DST: variants seen among roughly 807,000 people sequenced by gnomAD.
DST encodes dystonin.
A neutral mutation model predicts 875.2 loss-of-function variants in DST; 253 were observed. The observed-to-expected ratio is 0.29, with a 90% CI of 0.26 to 0.32. The LOEUF is 0.32. Among genes scored for constraint, DST ranks in the 10% least tolerant of loss-of-function variants. The pLI is 1.00. For missense variants in DST, 8,287 were observed against 9,111.6 expected, an observed-to-expected ratio of 0.91 and a Z score of 3.68; for synonymous variants, 3,124 against 3,197.1, an observed-to-expected ratio of 0.98 and a Z score of 0.77.
Position 56,948,640 on chromosome 6 carries a change from G to A in DST, c.216+5145C>T, listed in dbSNP as rs376793422. Among the ~76,000 whole-genome samples, 4 of 152,302 alleles carry A rather than the reference G, an allele frequency of 2.6e-5. No homozygotes were observed. The East Asian group carries it at 5.8e-4, about 22-fold the overall frequency. The stretch of plus-strand genomic sequence containing the variant: ...ATGAAAAGCAAAACCACACAGAAGA[G>A]GGGACTACTGTACTTACCATACAAC... On this transcript the variant is annotated intron_variant, in intron 2 of 103. Transcript: ENST00000680361.
At chr6:56,772,085 C>T (rs1231600619) in intron 4 of DST, among the ~76,000 whole-genome samples, 1 of 152,090 alleles carries the variant, frequency 6.6e-6, no homozygotes, top group African/African-American at 2.4e-5. Context: ...CATGTGGGGT[C>T]CAGGTTATTT....
intron 36 of DST, among the ~76,000 whole-genome samples, chr6:56,623,973 C>T (rs1166163725): frequency 6.6e-6 from 1 of 150,944 alleles, no homozygotes; most frequent in African/African-American, 2.4e-5. Context: ...ATGCCATGTG[C>T]TATATCTTTT....
At position 56,572,181 on chromosome 6, in the gene DST, G is replaced by A; in HGVS notation, c.13640C>T (p.Pro4547Leu). The change falls in exon 53 of 104, where the codon CCA becomes CTA. Residue 4547 changes from proline to leucine, a missense_variant. Physicochemically the swap from Pro to Leu is moderately conservative, Grantham distance 98. Around this residue, in one of 10 missense-constraint regions of DST, gnomAD observed 1,513 missense variants for 1,677.8 expected, o/e 0.90. Transcript: ENST00000680361. ...LLKEISSHGL[P>L]SDKALVLEKT... ...TTCAAGGACCAAAGCCTTATCACTT[G>A]GTAAGCCATGGCTGGATATCTCCTT... The A allele has an allele frequency of 3.2e-6, 5 of 1,557,492 alleles. No individual in the cohort carries two copies. In the South Asian group the frequency reaches 6.2e-5, roughly 19 times the overall value.
chr6:56,829,387 G>A (rs1267957783), intron 4 of DST, among the ~76,000 whole-genome samples: 1 of 152,148 alleles, frequency 6.6e-6, no homozygotes, highest in African/African-American at 2.4e-5. Flanking sequence ...ACTTGGCAAT[G>A]TTACAGATAA....
At chr6:56,547,027 T>C (rs1010259556) in intron 61 of DST, among the ~76,000 whole-genome samples, 4 of 152,082 alleles carry the variant, frequency 2.6e-5, no homozygotes, top group Non-Finnish European at 5.9e-5. Flanking sequence ...AATTCCTCAA[T>C]CTCAAATGAA....
Position 56,917,096 on chromosome 6 carries a change from C to G in DST, c.217-16475G>C, listed in dbSNP as rs755185084. Reference sequence around the variant, plus strand: ...AGCAATAGCCCACTGAGGATACACACAGCAGAAAGGACTGACCACTCCTGC... The same window carrying G: ...AGCAATAGCCCACTGAGGATACACAGAGCAGAAAGGACTGACCACTCCTGC... On this transcript the variant is annotated intron_variant, in intron 2 of 103. Transcript: ENST00000680361. Among the ~76,000 whole-genome samples the G allele has an allele frequency of 2.0e-5, 3 of 150,774 alleles. No individual in the cohort carries two copies. The East Asian group carries it at 5.9e-4, about 30-fold the overall frequency.
chr6:56,829,933 G>A (rs2099785092), intron 4 of DST, among the ~76,000 whole-genome samples: 2 of 152,140 alleles, frequency 1.3e-5, no homozygotes, highest in Non-Finnish European at 2.9e-5. Flanking sequence ...GGTCTCCTCA[G>A]TACTAGTAGT....
At chr6:56,510,107 T>G (rs1462749038) in intron 73 of DST, among the ~76,000 whole-genome samples, 1 of 152,184 alleles carries the variant, frequency 6.6e-6, no homozygotes, top group African/African-American at 2.4e-5. Context: ...CTTAGTTTCT[T>G]ATGAATATTT....
At chr6:56,650,194 G>A (rs948667272) in intron 12 of DST, among the ~76,000 whole-genome samples, 3 of 152,002 alleles carry the variant, frequency 2.0e-5, no homozygotes, top group Admixed American at 1.3e-4. Context: ...TCAAAGTAAT[G>A]TAGGGGAAAA....
intron 30 of DST, among the ~76,000 whole-genome samples, 191 bp from the exon 31 acceptor site, chr6:56,630,574 C>T (rs2098770015): frequency 1.3e-5 from 2 of 152,140 alleles, no homozygotes; most frequent in African/African-American, 4.8e-5. Context: ...CCATCCCCTG[C>T]CCCACAAGTG....
At chr6:56,844,871 CA>C (rs11389743) in intron 4 of DST, among the ~76,000 whole-genome samples, 108 of 123,150 alleles carry the variant, frequency 8.8e-4, no homozygotes, top group East Asian at 3.4e-3. Flanking sequence ...GACTCCGTCT[CA>C]AAAAAAAAAA....
chr6:56,731,966 T>C (rs1016402196), intron 5 of DST, among the ~76,000 whole-genome samples: 3 of 152,240 alleles, frequency 2.0e-5, no homozygotes, highest in Non-Finnish European at 2.9e-5. Flanking sequence ...ACAAATGATG[T>C]CACAAATCAA....
At chr6:56,764,022 G>C (rs1400891671) in intron 4 of DST, among the ~76,000 whole-genome samples, 1 of 151,102 alleles carries the variant, frequency 6.6e-6, no homozygotes, top group African/African-American at 2.4e-5. Flanking sequence ...ATAGTATTAA[G>C]TCTGCAGTCA....
intron 102 of DST, chr6:56,461,929 T>C (rs2094350382): frequency 1.3e-5 from 2 of 152,242 alleles, no homozygotes; most frequent in African/African-American, 4.8e-5. Context: ...GAATGGGTTG[T>C]TTTTGTTCCA....
chr6:56,547,541 T>G (rs573363591), intron 61 of DST, among the ~76,000 whole-genome samples: 2 of 152,222 alleles, frequency 1.3e-5, no homozygotes, highest in African/African-American at 4.8e-5. Flanking sequence ...CAAAAACCTC[T>G]TCTGCAACAG....
intron 3 of DST, among the ~76,000 whole-genome samples, chr6:56,870,031 C>A (rs1243041379): frequency 6.6e-6 from 1 of 151,862 alleles, no homozygotes; most frequent in Non-Finnish European, 1.5e-5. Flanking sequence ...AACAGAATAT[C>A]CACTCTAGAG....
intron 34 of DST, 86 bp downstream of exon 34, chr6:56,627,118 G>A: frequency 3.0e-6 from 3 of 1,006,568 alleles, no homozygotes; most frequent in Non-Finnish European, 4.7e-6. Context: ...TAAACACTGA[G>A]TGAAATGACT....
At chr6:56,641,404 T>C (rs1357526047) in intron 17 of DST, among the ~76,000 whole-genome samples, 2 of 152,022 alleles carry the variant, frequency 1.3e-5, no homozygotes, top group South Asian at 2.1e-4. Context: ...CTGGCAAACA[T>C]GGCAAAACCC....
At chr6:56,842,356 T>TA (rs2099801180) in intron 4 of DST, among the ~76,000 whole-genome samples, 1 of 152,106 alleles carries the variant, frequency 6.6e-6, no homozygotes, top group South Asian at 2.1e-4. Context: ...CAAAAACACT[T>TA]AAAAAATGGA....
Sources: allele counts gnomAD v4.1 joint callset (sites outside exome capture counted in the v4.1 genomes callset), GRCh38; gene constraint gnomAD v4.1.1; regional missense constraint gnomAD v4.1.1; transcripts MANE v1.5; gene names NCBI Gene and HGNC (gene_info 2026-07-23, HGNC 2026-07-21).